The following PTPRB variants were observed in gnomAD, a reference collection of about 807,000 sequenced individuals.
PTPRB encodes the protein receptor-type tyrosine-protein phosphatase beta.
In PTPRB, 97 loss-of-function variants were observed where a neutral mutation model predicts 238.1. The observed-to-expected ratio is 0.41, with a 90% CI of 0.35 to 0.48. The LOEUF is 0.48. PTPRB is among the 20% of genes least tolerant of loss of function. PTPRB has a pLI of 0.30. For missense variants in PTPRB, 2,292 were observed against 2,681.9 expected (o/e 0.85, Z 3.21); for synonymous variants, 970 against 995.4 (o/e 0.97, Z 0.48).
chr12:70,559,133 G>A, intron 18 of PTPRB: 1 of 617,354 alleles, frequency 1.6e-6, no homozygotes, highest in Non-Finnish European at 2.8e-6. Context: ...CTACCTAATT[G>A]TAAGCCCCAT....
chr12:70,524,843 GTATA>G (rs912819871), intron 32 of PTPRB, among the ~76,000 whole-genome samples: 2 of 143,870 alleles, frequency 1.4e-5, no homozygotes, highest in African/African-American at 5.3e-5. Flanking sequence ...ATATATGTGT[GTATA>G]TATGTGTGTA....
At chr12:70,589,913 G>A (rs1311509679) in intron 8 of PTPRB, 51 bp downstream of exon 8, 7 of 1,554,380 alleles carry the variant, frequency 4.5e-6, no homozygotes, top group Non-Finnish European at 6.1e-6. Flanking sequence ...TTACCTGGGA[G>A]AGGGAACAAA....
chr12:70,623,569 A>G (rs766285096), intron 2 of PTPRB, among the ~76,000 whole-genome samples: 1 of 152,172 alleles, frequency 6.6e-6, no homozygotes, highest in Non-Finnish European at 1.5e-5. Context: ...TAAGTTCTGT[A>G]AATTATGGTT....
chr12:70,636,161 A>T, intron 1 of PTPRB, 95 bp from the exon 2 acceptor site: 1 of 1,174,852 alleles, frequency 8.5e-7, no homozygotes, highest in Non-Finnish European at 1.2e-6. Flanking sequence ...AAATAAAATC[A>T]CTAGTTTTAC....
In PTPRB at chr12:70,539,918, G is replaced by A. The variant is rs928507651; in HGVS notation, c.5678+21C>T. The A allele has an allele frequency of 2.8e-5, 44 of 1,592,798 alleles. 1 individual carries two copies. The highest frequency in any genetic ancestry group is 5.4e-5 in the African/African-American group (4 of 74,380). On this transcript the variant is annotated intron_variant, in intron 24 of 33. Transcript: ENST00000334414. ...AATACCATCTTTCAACAAATTATAC[G>A]AAGGCAAATGTGGTGCTTACCCTTT... is the stretch of plus-strand genomic sequence containing the variant.
chr12:70,592,432 G>A lies in PTPRB; in HGVS notation c.1630C>T (p.His544Tyr). 2 of 1,613,908 alleles carry A rather than the reference G, an allele frequency of 1.2e-6. No individual in the cohort carries two copies. The highest frequency in any genetic ancestry group is 1.1e-5 in the South Asian group (1 of 91,080). The change falls in exon 7 of 34, where the codon CAC (histidine) becomes TAC (tyrosine). Residue 544 changes from histidine to tyrosine, a missense_variant. His to Tyr is a moderately conservative substitution (Grantham distance 83, BLOSUM62 2). Around this residue, in one of 4 missense-constraint regions of PTPRB, gnomAD observed 1,205 missense variants for 1,287.8 expected, o/e 0.94. Coordinates refer to ENST00000334414, the MANE Select transcript of PTPRB (RefSeq NM_001109754.4). ...NVDSYNITLS[H>Y]KGTIKESRVL... Reference sequence around the variant, plus strand: ...CTGGATTCCTTGATGGTCCCTTTGTGAGACAGGGTGATATTGTAAGAATCC... The same window carrying A: ...CTGGATTCCTTGATGGTCCCTTTGTAAGACAGGGTGATATTGTAAGAATCC...
chr12:70,570,578 G>T (rs1157602782), intron 13 of PTPRB, among the ~76,000 whole-genome samples: 2 of 151,970 alleles, frequency 1.3e-5, no homozygotes, highest in African/African-American at 4.8e-5. Context: ...TGAACTCCTG[G>T]GCTCAAGCTA....
chr12:70,595,214 T>C (rs138537490), intron 5 of PTPRB, among the ~76,000 whole-genome samples: 1,892 of 151,902 alleles, frequency 0.012, 38 homozygotes, highest in African/African-American at 0.042. Flanking sequence ...AACCAAACAC[T>C]GCATGTTCTC....
chr12:70,535,982 G>A (rs1302663140), intron 29 of PTPRB, 43 bp downstream of exon 29: 4 of 1,606,662 alleles, frequency 2.5e-6, no homozygotes, highest in Non-Finnish European at 3.4e-6. Flanking sequence ...CTATCCAGGT[G>A]GCAGAAAGCA....
At chr12:70,613,307 C>G (rs1478396010) in intron 3 of PTPRB, among the ~76,000 whole-genome samples, 1 of 152,044 alleles carries the variant, frequency 6.6e-6, no homozygotes, top group Non-Finnish European at 1.5e-5. Context: ...CTCCTATTCT[C>G]CACTTGCTTG....
Position 70,586,135 on chromosome 12 carries a change from T to A in PTPRB, c.2311+872A>T, listed in dbSNP as rs142057446. On this transcript the variant is annotated intron_variant, in intron 9 of 33. Coordinates refer to ENST00000334414, the MANE Select transcript of PTPRB (RefSeq NM_001109754.4). ...GTGTGCATGTGTCTTTATAGCAGCA[T>A]GATTTATAATCTTTTGGGTATATAC... Among the ~76,000 whole-genome samples, 1,444 of 152,344 alleles carry A rather than the reference T, an allele frequency of 9.5e-3. 12 individuals carry two copies. Among genetic ancestry groups the A allele is most frequent in the Middle Eastern group, 0.02 (6 of 294 alleles).
chr12:70,606,730 T>A (rs1015306800), intron 4 of PTPRB, among the ~76,000 whole-genome samples: 6 of 152,198 alleles, frequency 3.9e-5, no homozygotes, highest in Non-Finnish European at 8.8e-5. Context: ...GTACTTTGTA[T>A]TAACTAAGTG....
At chr12:70,588,963 T>C (rs562730895) in intron 8 of PTPRB, among the ~76,000 whole-genome samples, 2 of 152,186 alleles carry the variant, frequency 1.3e-5, no homozygotes, top group Admixed American at 6.5e-5. Flanking sequence ...TGTCTCAAAA[T>C]GTAAAAATAA....
chr12:70,531,253 G>A (rs1202470525), intron 32 of PTPRB, among the ~76,000 whole-genome samples: 1 of 152,072 alleles, frequency 6.6e-6, no homozygotes, highest in African/African-American at 2.4e-5. Flanking sequence ...GGGTACTGTG[G>A]CTCTAAGAGG....
At chr12:70,538,833 A>G (rs1592418756) in intron 27 of PTPRB, 91 bp downstream of exon 27, 2 of 1,019,192 alleles carry the variant, frequency 2.0e-6, no homozygotes, top group South Asian at 1.4e-5. Flanking sequence ...ATCGAGCTAT[A>G]TTATATTTCT....
At chr12:70,533,434 T>A (rs1028163678) in intron 31 of PTPRB, among the ~76,000 whole-genome samples, 3 of 152,202 alleles carry the variant, frequency 2.0e-5, no homozygotes, top group Non-Finnish European at 4.4e-5. Flanking sequence ...GTTAGGGCTA[T>A]CAAAATGTTG....
intron 3 of PTPRB, among the ~76,000 whole-genome samples, chr12:70,619,586 C>T (rs1310758374): frequency 6.6e-6 from 1 of 152,108 alleles, no homozygotes; most frequent in Non-Finnish European, 1.5e-5. Flanking sequence ...GCTGCCCTAA[C>T]CCATCATGAA....
At chr12:70,599,105 C>T (rs1336145108) in intron 4 of PTPRB, among the ~76,000 whole-genome samples, 1 of 152,154 alleles carries the variant, frequency 6.6e-6, no homozygotes, top group Non-Finnish European at 1.5e-5. Flanking sequence ...TTCAGACTCC[C>T]TTTAAATCTA....
chr12:70,617,499 C>T (rs577369037), intron 3 of PTPRB, among the ~76,000 whole-genome samples: 19 of 152,316 alleles, frequency 1.2e-4, no homozygotes, highest in South Asian at 4.1e-4. Flanking sequence ...CCCTCTCCCC[C>T]GCTACTTCTT....
Sources: allele counts gnomAD v4.1 joint callset (sites outside exome capture counted in the v4.1 genomes callset), GRCh38; gene constraint gnomAD v4.1.1; regional missense constraint gnomAD v4.1.1; transcripts MANE v1.5; gene names NCBI Gene and HGNC (gene_info 2026-07-23, HGNC 2026-07-21).